The following HMCN1 variants were observed in gnomAD, a reference collection of about 807,000 sequenced individuals.
HMCN1 encodes hemicentin-1.
In HMCN1, 321 loss-of-function variants were observed where a neutral mutation model predicts 625.9. The ratio of observed to expected loss-of-function variants is 0.51; its 90% CI spans 0.47 to 0.56. The LOEUF (loss-of-function observed/expected upper bound fraction) is 0.56, where lower values mean the gene tolerates loss of function less well. HMCN1 is among the 20% of genes least tolerant of loss of function. The pLI, the probability that HMCN1 is intolerant of heterozygous loss-of-function variation, is 0.00. For missense variants in HMCN1, 6,588 were observed against 6,887.3 expected, an observed-to-expected ratio of 0.96 and a Z score of 1.54; for synonymous variants, 2,425 against 2,417.6, an observed-to-expected ratio of 1.00 and a Z score of -0.09.
chr1:186,000,296 T>G (rs1653092250), intron 26 of HMCN1, 57 bp downstream of exon 26: 2 of 1,265,248 alleles, frequency 1.6e-6, no homozygotes, highest in African/African-American at 1.5e-5. Context: ...TTCTTAAATG[T>G]TTAAATTATT....
Position 186,093,683 on chromosome 1 carries a change from G to A in HMCN1, c.10196+14G>A. The A allele has an allele frequency of 6.2e-7, 1 of 1,612,992 alleles. No homozygotes were observed. Among genetic ancestry groups the A allele is most frequent in the African/African-American group, 1.3e-5 (1 of 74,978 alleles). ...ACAAGTTATCAGGTCAGCTTTTATT[G>A]TGTCTGATTTCCTAAACAGATGAAG... On this transcript the variant is annotated intron_variant, in intron 66 of 106. Transcript: ENST00000271588.
At position 186,103,531 on chromosome 1, in the gene HMCN1, C is replaced by A. The variant is rs142038459; in HGVS notation, c.10633C>A (p.Pro3545Thr). The A allele has an allele frequency of 6.2e-7, 1 of 1,613,652 alleles. No individual in the cohort carries two copies. The highest frequency in any genetic ancestry group is 2.2e-5 in the East Asian group (1 of 44,866). ...AGAGATATCAGTAATTGTTAATAAC[C>A]CACTTGAACTTACCTGCATTGCTTC... ...HEEISVIVNN[P>T]LELTCIASGI... The change falls in exon 69 of 107, where the codon CCA becomes ACA. Residue 3545 changes from proline (P) to threonine (T), a missense_variant. Coordinates refer to ENST00000271588, the MANE Select transcript of HMCN1 (RefSeq NM_031935.3).
At chr1:186,114,494 G>C (rs1264627758) in intron 73 of HMCN1, among the ~76,000 whole-genome samples, 1 of 152,046 alleles carries the variant, frequency 6.6e-6, no homozygotes, top group Non-Finnish European at 1.5e-5. Context: ...CCTGACCTCA[G>C]GTGATCCGCC....
In HMCN1 at chr1:186,059,865, T is replaced by C. The variant is rs552406131; in HGVS notation, c.7313-1986T>C. Among the ~76,000 whole-genome samples the C allele has an allele frequency of 7.9e-5, 12 of 151,988 alleles. No homozygotes were observed. The East Asian group carries it at 2.3e-3, about 30-fold the overall frequency. On this transcript the variant is annotated intron_variant, in intron 46 of 106. Coordinates refer to ENST00000271588, the MANE Select transcript of HMCN1 (RefSeq NM_031935.3). ...TTCACTGGATTAAGCGAGAAGTCCA[T>C]GAAAAAAGAGAAAAGGAGAATCGTG...
At chr1:186,033,885 T>A (rs557917715) in intron 36 of HMCN1, among the ~76,000 whole-genome samples, 6 of 150,206 alleles carry the variant, frequency 4.0e-5, no homozygotes, top group African/African-American at 1.5e-4. Context: ...TTATTGTCAT[T>A]TTTTTTTTGT....
At chr1:185,914,587 C>G (rs113539166) in intron 6 of HMCN1, among the ~76,000 whole-genome samples, 59 of 152,096 alleles carry the variant, frequency 3.9e-4, no homozygotes, top group African/African-American at 1.4e-3. Context: ...TCTCTCCCCC[C>G]ACCACATTCT....
chr1:185,975,536 C>A (rs189888372), intron 15 of HMCN1, among the ~76,000 whole-genome samples: 1 of 152,040 alleles, frequency 6.6e-6, no homozygotes, highest in African/African-American at 2.4e-5. Flanking sequence ...CCACCAGGCC[C>A]CTCCTCCAAA....
intron 94 of HMCN1, 42 bp from the exon 95 acceptor site, chr1:186,151,564 A>G: frequency 6.3e-7 from 1 of 1,579,684 alleles, no homozygotes; most frequent in East Asian, 2.2e-5. Flanking sequence ...AAAATAGACT[A>G]AAAATTTTGC....
intron 4 of HMCN1, among the ~76,000 whole-genome samples, chr1:185,898,585 T>A (rs1386936212): frequency 2.0e-5 from 3 of 152,100 alleles, no homozygotes; most frequent in Non-Finnish European, 4.4e-5. Flanking sequence ...TGAACCCTGG[T>A]CCTAATAGCA....
Position 186,048,806 on chromosome 1 carries a change from A to G in HMCN1, c.6544A>G (p.Lys2182Glu). ...YTCEATNVAGKTEKNYNVNIW... is the reference protein window; with the variant it reads ...YTCEATNVAGETEKNYNVNIW... ...TTGTGAAGCAACAAATGTTGCTGGA[A>G]AAACTGAAAAAAACTACAATGTCAA... The change falls in exon 42 of 107, where the codon AAA becomes GAA. Residue 2182 changes from lysine to glutamate, a missense_variant. This residue lies in a region of HMCN1 where 4,628 missense variants were observed against 4,853.1 expected (regional missense o/e 0.95). Coordinates refer to ENST00000271588, the MANE Select transcript of HMCN1 (RefSeq NM_031935.3). The G allele has an allele frequency of 6.2e-7, 1 of 1,610,298 alleles. No homozygotes were observed. Among genetic ancestry groups the G allele is most frequent in the Non-Finnish European group, 8.5e-7 (1 of 1,177,212 alleles).
rs775839595 is a variant in HMCN1, at chr1:186,078,262, A to G, written c.8599+42A>G. 4.4e-6 allele frequency: 6 copies of G among 1,378,174 alleles called. No individual in the cohort carries two copies. In the Admixed American group the frequency reaches 1.1e-4, roughly 25 times the overall value. 85.4% of individuals were successfully genotyped at this position (1,378,174 alleles called of 1,614,324 possible). On this transcript the variant is annotated intron_variant, in intron 55 of 106. Transcript: ENST00000271588. ...TTTATTGTTCATTCTTTTACTGAAA[A>G]GTATTTTTGAGGAACTAATGTTTGC... is the stretch of plus-strand genomic sequence containing the variant.
chr1:186,048,906 T>G, intron 42 of HMCN1, 67 bp downstream of exon 42: 2 of 924,670 alleles, frequency 2.2e-6, no homozygotes, highest in Non-Finnish European at 3.6e-6. Context: ...TAAAATGACA[T>G]TCATCCATGT....
In HMCN1 at chr1:186,077,698, G is replaced by C. The variant is rs568687322; in HGVS notation, c.8486-409G>C. ...TCCTCATAAGAATGTATGTAAAATA[G>C]TACACTTTATACTTTTACAACCTTG... On this transcript the variant is annotated intron_variant, in intron 54 of 106. Coordinates refer to ENST00000271588, the MANE Select transcript of HMCN1 (RefSeq NM_031935.3). 2.0e-4 allele frequency among the ~76,000 whole-genome samples: 30 copies of C among 152,200 alleles called. 1 individual carries two copies. The South Asian group carries it at 6.2e-3, about 32-fold the overall frequency.
chr1:186,151,204 G>A lies in HMCN1; in HGVS notation c.14613G>A (p.Gly4871=). 6 of 1,613,574 alleles carry A rather than the reference G, an allele frequency of 3.7e-6. No individual in the cohort carries two copies. Among genetic ancestry groups the A allele is most frequent in the Non-Finnish European group, 5.1e-6 (6 of 1,179,730 alleles). ...TGTTTTTTTTTCCCCCAATAGGTGG[G>A]CCCCAGCGAGCCAGAGGAAGTGTTA... is the stretch of plus-strand genomic sequence containing the variant. The part of the protein sequence containing the change: ...TRCNVQACPG[G]PQRARGSVIG... Residue 4871 remains glycine, a synonymous_variant, in exon 94 of 107, where the codon GGG becomes GGA. Coordinates refer to ENST00000271588, the MANE Select transcript of HMCN1 (RefSeq NM_031935.3).
intron 4 of HMCN1, among the ~76,000 whole-genome samples, chr1:185,889,282 C>A (rs2102407300): frequency 7.1e-6 from 1 of 141,642 alleles, no homozygotes; most frequent in Non-Finnish European, 1.5e-5. Flanking sequence ...TCCTCTTTTC[C>A]TAATTGAATA....
At chr1:186,183,550 CAT>C (rs1653083460) in intron 105 of HMCN1, among the ~76,000 whole-genome samples, 1 of 152,206 alleles carries the variant, frequency 6.6e-6, no homozygotes, top group Admixed American at 6.6e-5. Flanking sequence ...TTTATTTAAT[CAT>C]ATTGTTACCT....
At chr1:186,149,191 G>A (rs1650521584) in intron 93 of HMCN1, among the ~76,000 whole-genome samples, 1 of 152,144 alleles carries the variant, frequency 6.6e-6, no homozygotes, top group Non-Finnish European at 1.5e-5. Context: ...TTGAAGCCAG[G>A]CATTGATTTT....
intron 11 of HMCN1, among the ~76,000 whole-genome samples, chr1:185,955,707 G>T (rs1023715722): frequency 1.3e-5 from 2 of 152,160 alleles, no homozygotes; most frequent in African/African-American, 2.4e-5. Context: ...TGTTGCTCTT[G>T]TCCTGTCTTT....
intron 40 of HMCN1, among the ~76,000 whole-genome samples, chr1:186,042,000 A>G (rs192397462): frequency 4.3e-4 from 66 of 152,262 alleles, no homozygotes; most frequent in East Asian, 3.5e-3. Flanking sequence ...AAGTTTGCCA[A>G]TGTAAATGTA....
Sources: allele counts gnomAD v4.1 joint callset (sites outside exome capture counted in the v4.1 genomes callset), GRCh38; gene constraint gnomAD v4.1.1; regional missense constraint gnomAD v4.1.1; transcripts MANE v1.5; gene names NCBI Gene and HGNC (gene_info 2026-07-23, HGNC 2026-07-21).